Variants in SORCS1 observed in about 807,000 individuals in gnomAD.
SORCS1 encodes the protein VPS10 domain-containing receptor SorCS1.
A neutral mutation model predicts 146.1 loss-of-function variants in SORCS1; 60 were observed. That is an observed-to-expected ratio of 0.41 (90% CI 0.33 to 0.51). The LOEUF is 0.51. Among genes scored for constraint, SORCS1 ranks in the 20% least tolerant of loss-of-function variants. SORCS1 has a pLI of 0.21. For missense variants in SORCS1, 1,352 were observed against 1,487.6 expected (o/e 0.91, Z 1.50); for synonymous variants, 637 against 584.0 (o/e 1.09, Z -1.31).
intron 5 of SORCS1, among the ~76,000 whole-genome samples, chr10:106,757,822 G>A (rs576870669): frequency 1.3e-4 from 20 of 152,304 alleles, no homozygotes; most frequent in African/African-American, 4.6e-4. Flanking sequence ...ACAGACTGTG[G>A]TGACAGACAG....
intron 6 of SORCS1, among the ~76,000 whole-genome samples, chr10:106,718,484 T>G (rs923265188): frequency 6.6e-6 from 1 of 152,202 alleles, no homozygotes; most frequent in African/African-American, 2.4e-5. Flanking sequence ...GGTGGGTTCG[T>G]GGTCTTTCTG....
At chr10:106,963,513 G>A (rs928943723) in intron 1 of SORCS1, among the ~76,000 whole-genome samples, 3 of 152,174 alleles carry the variant, frequency 2.0e-5, no homozygotes, top group Non-Finnish European at 4.4e-5. Flanking sequence ...GTTCCAGATT[G>A]TGTGTCTTTG....
chr10:106,925,811 C>T (rs10884378), intron 2 of SORCS1, among the ~76,000 whole-genome samples: 2 of 151,924 alleles, frequency 1.3e-5, no homozygotes, highest in African/African-American at 2.4e-5. Context: ...TAGAGCCCAA[C>T]GGAGGGTCCA....
intron 1 of SORCS1, among the ~76,000 whole-genome samples, chr10:106,995,533 A>G (rs1451409745): frequency 2.6e-5 from 4 of 152,094 alleles, no homozygotes; most frequent in Non-Finnish European, 4.4e-5. Flanking sequence ...AGGTATGGGG[A>G]AAAAAACGTC....
chr10:107,065,603 C>A (rs1434018458), intron 1 of SORCS1, among the ~76,000 whole-genome samples: 1 of 150,842 alleles, frequency 6.6e-6, no homozygotes, highest in Non-Finnish European at 1.5e-5. Flanking sequence ...CTGCAACTTT[C>A]GCCTCCAGGG....
intron 3 of SORCS1, among the ~76,000 whole-genome samples, chr10:106,815,182 C>T (rs1470573226): frequency 6.6e-6 from 1 of 152,000 alleles, no homozygotes; most frequent in Admixed American, 6.6e-5. Flanking sequence ...TGGTCTCGAT[C>T]TCCTGACCTC....
At chr10:107,147,257 C>T (rs1374925347) in intron 1 of SORCS1, among the ~76,000 whole-genome samples, 2 of 152,186 alleles carry the variant, frequency 1.3e-5, no homozygotes, top group Non-Finnish European at 2.9e-5. Flanking sequence ...TTCAAACGTT[C>T]TTGCCCTGCT....
At position 107,164,178 on chromosome 10, in the gene SORCS1, TCTC is replaced by T. The variant is rs1969928166; in HGVS notation, c.346_348del (p.Glu116del). On this transcript the variant is annotated inframe_deletion, in exon 1 of 26. Coordinates refer to ENST00000263054, the MANE Select transcript of SORCS1 (RefSeq NM_052918.5). The surrounding 1 kb of genome is among the most constrained non-coding windows in gnomAD (Gnocchi z 6.8). ...CTCGCGCCCTCTCCCCGTTCTGCCT[TCTC>T]CTGATCCGCTCCGCTCCGTCTCCTC... 7.4e-6 allele frequency: 12 copies of T among 1,611,944 alleles called. No homozygotes were observed. The highest frequency in any genetic ancestry group is 1.0e-5 in the Non-Finnish European group (12 of 1,179,912).
At chr10:106,640,493 C>T (rs745589218) in intron 18 of SORCS1, among the ~76,000 whole-genome samples, 4 of 152,200 alleles carry the variant, frequency 2.6e-5, no homozygotes, top group African/African-American at 9.6e-5. Context: ...TTAAATTATG[C>T]AGAGAATTGC....
intron 1 of SORCS1, among the ~76,000 whole-genome samples, chr10:107,121,999 C>G (rs934234549): frequency 6.6e-6 from 1 of 152,132 alleles, no homozygotes; most frequent in African/African-American, 2.4e-5. Flanking sequence ...GTTTGGTGGA[C>G]AGGGAGTGTC....
chr10:106,748,324 G>A (rs986344808), intron 5 of SORCS1, among the ~76,000 whole-genome samples: 10 of 151,966 alleles, frequency 6.6e-5, no homozygotes, highest in Admixed American at 1.3e-4. Context: ...CATCTGTTAC[G>A]GCGATGTGTG....
intron 18 of SORCS1, among the ~76,000 whole-genome samples, chr10:106,629,833 C>G (rs899517454): frequency 6.6e-6 from 1 of 152,146 alleles, no homozygotes; most frequent in Non-Finnish European, 1.5e-5. Context: ...ATCACAAGGT[C>G]AAGAGATCAA....
intron 3 of SORCS1, among the ~76,000 whole-genome samples, chr10:106,824,872 A>T (rs1948224176): frequency 6.6e-6 from 1 of 152,162 alleles, no homozygotes; most frequent in Non-Finnish European, 1.5e-5. Context: ...AGCAGGAATG[A>T]TGTAAATTAA....
At chr10:107,152,173 G>T (rs1251410885) in intron 1 of SORCS1, among the ~76,000 whole-genome samples, 1 of 152,188 alleles carries the variant, frequency 6.6e-6, no homozygotes, top group African/African-American at 2.4e-5. Context: ...CATGGTGTTA[G>T]CCCTGTGGGT....
At chr10:107,154,016 T>TG in intron 1 of SORCS1, among the ~76,000 whole-genome samples, 1 of 141,984 alleles carries the variant, frequency 7.0e-6, no homozygotes, top group African/African-American at 2.6e-5. Context: ...TTCTTTTTTT[T>TG]TTTTTTTTTT....
chr10:107,063,172 T>G (rs978203969), intron 1 of SORCS1, among the ~76,000 whole-genome samples: 1 of 152,122 alleles, frequency 6.6e-6, no homozygotes, highest in South Asian at 2.1e-4. Flanking sequence ...AGTAAATGGG[T>G]ATGGGTATGG....
chr10:107,008,074 T>C (rs1957531628), intron 1 of SORCS1, among the ~76,000 whole-genome samples: 2 of 151,596 alleles, frequency 1.3e-5, no homozygotes, highest in Admixed American at 1.3e-4. Flanking sequence ...TAAATTCTTT[T>C]TTAAAAAAGA....
At chr10:106,614,795 G>C (rs1328590362) in intron 21 of SORCS1, among the ~76,000 whole-genome samples, 1 of 152,156 alleles carries the variant, frequency 6.6e-6, no homozygotes, top group Non-Finnish European at 1.5e-5. Flanking sequence ...GTTGATTCAA[G>C]AAATAGGGGA....
chr10:107,139,519 A>C (rs1472860146), intron 1 of SORCS1, among the ~76,000 whole-genome samples: 1 of 152,162 alleles, frequency 6.6e-6, no homozygotes, highest in Non-Finnish European at 1.5e-5. Flanking sequence ...GGGAAGAGAG[A>C]GAGGGAGAGA....
Sources: allele counts gnomAD v4.1 joint callset (sites outside exome capture counted in the v4.1 genomes callset), GRCh38; gene constraint gnomAD v4.1.1; non-coding constraint Gnocchi (gnomAD v3.1); transcripts MANE v1.5; gene names NCBI Gene and HGNC (gene_info 2026-07-23, HGNC 2026-07-21).